Variants in SEC14L4 observed in about 807,000 individuals in gnomAD.
The protein encoded by SEC14L4 is SEC14-like protein 4.
A neutral mutation model predicts 55.1 loss-of-function variants in SEC14L4; 42 were observed. The ratio of observed to expected loss-of-function variants is 0.76; its 90% CI spans 0.60 to 0.99. The LOEUF is 0.99. Ranked by LOEUF, SEC14L4 falls within the 50% of genes least tolerant of loss-of-function variation. The pLI is 0.00. For missense variants in SEC14L4, 445 were observed against 512.1 expected (o/e 0.87, Z 1.27); for synonymous variants, 206 against 206.8 (o/e 1.00, Z 0.03).
intron 1 of SEC14L4, 34 bp from the exon 2 acceptor site, chr22:30,503,786 T>C (rs1936408831): frequency 1.3e-6 from 2 of 1,591,702 alleles, no homozygotes; most frequent in South Asian, 1.1e-5. Context: ...TCGGCGGAGC[T>C]CTCATGACCT....
chr22:30,494,793 C>T lies in SEC14L4; in HGVS notation c.519+73G>A, dbSNP rs1936083577. Reference sequence around the variant, plus strand: ...ACCCCTCTATCTCACTGGATTCTCACATCAATTCACAGCTAGGGCTCACAG... The same window carrying T: ...ACCCCTCTATCTCACTGGATTCTCATATCAATTCACAGCTAGGGCTCACAG... On this transcript the variant is annotated intron_variant, in intron 6 of 11. Coordinates refer to ENST00000255858, the MANE Select transcript of SEC14L4 (RefSeq NM_174977.4). 3.0e-6 allele frequency: 3 copies of T among 991,160 alleles called. No homozygotes were observed. The East Asian group carries it at 7.2e-5, about 24-fold the overall frequency. 61.4% of individuals were successfully genotyped at this position (991,160 alleles called of 1,614,324 possible).
chr22:30,496,696 A>G (rs1936163721), intron 2 of SEC14L4, among the ~76,000 whole-genome samples: 3 of 152,078 alleles, frequency 2.0e-5, no homozygotes, highest in Admixed American at 6.6e-5. Context: ...ACCTTCTCTG[A>G]GCCTTAGTTT....
At chr22:30,490,568 T>C (rs1459656285) in intron 11 of SEC14L4, among the ~76,000 whole-genome samples, 3 of 152,212 alleles carry the variant, frequency 2.0e-5, no homozygotes, top group Non-Finnish European at 4.4e-5. Flanking sequence ...GAGCTCCACC[T>C]GCAGGGAGGA....
In SEC14L4 at chr22:30,505,615, G is replaced by A. The variant is rs1244884536; in HGVS notation, c.-4C>T. ...GGTCCCCGACTCGGCTGCTCATGGT[G>A]CCCGCGGGCGCAGAAAGGCTCAGGG... On this transcript the variant is annotated 5_prime_UTR_variant, in exon 1 of 12. Transcript: ENST00000255858. 1.3e-6 allele frequency: 2 copies of A among 1,553,334 alleles called. No homozygotes were observed. The highest frequency in any genetic ancestry group is 1.9e-5 in the Admixed American group (1 of 53,114).
At chr22:30,495,469 C>G in intron 4 of SEC14L4, 27 bp from the exon 5 acceptor site, 1 of 1,610,710 alleles carries the variant, frequency 6.2e-7, no homozygotes, top group South Asian at 1.1e-5. Context: ...GGTCCCGACT[C>G]AATCCAGCTC....
chr22:30,489,675 G>A lies in SEC14L4; in HGVS notation c.*432C>T. On this transcript the variant is annotated 3_prime_UTR_variant, in exon 12 of 12. Transcript: ENST00000255858. Reference sequence around the variant, plus strand: ...GCTGACCTCCTACATGCAGAGAACAGGGCTTCTCTGCTCTTCAGGCCTGAA... The same window carrying A: ...GCTGACCTCCTACATGCAGAGAACAAGGCTTCTCTGCTCTTCAGGCCTGAA... 1.6e-6 allele frequency: 1 copy of A among 635,230 alleles called. No homozygotes were observed. The highest frequency in any genetic ancestry group is 2.8e-6 in the Non-Finnish European group (1 of 355,738). 39.3% of individuals were successfully genotyped at this position (635,230 alleles called of 1,614,324 possible). A position where few individuals can be genotyped will look rare whatever the true frequency, so the allele number is the denominator to read the frequency against.
intron 1 of SEC14L4, among the ~76,000 whole-genome samples, chr22:30,504,110 C>T (rs930450643): frequency 2.6e-5 from 4 of 151,266 alleles, no homozygotes; most frequent in East Asian, 3.9e-4. Context: ...CAAGCTGGAG[C>T]GTAGTTGCGT....
Position 30,492,514 on chromosome 22 carries a change from G to C in SEC14L4, c.624C>G (p.Phe208Leu), listed in dbSNP as rs1471447835. Residue 208 changes from phenylalanine (F) to leucine (L), a missense_variant, in exon 8 of 12, where the codon TTC becomes TTG. Transcript: ENST00000255858. The part of the protein sequence containing the change: ...FPVAFNLVKS[F>L]MSEETRRKIV... ...TCTTCCTGCGTGTCTCCTCACTCATGAACGACTTGACCAAGTTGAAGGCCA... is the reference window on the plus strand; with the variant it reads ...TCTTCCTGCGTGTCTCCTCACTCATCAACGACTTGACCAAGTTGAAGGCCA... 6.2e-7 allele frequency: 1 copy of C among 1,614,020 alleles called. No homozygotes were observed. Among genetic ancestry groups the C allele is most frequent in the South Asian group, 1.1e-5 (1 of 91,066 alleles).
rs139429739 is a variant in SEC14L4 at position 30,491,940 on chromosome 22, A to T, written c.805T>A (p.Tyr269Asn). Residue 269 changes from tyrosine (Y) to asparagine (N), a missense_variant, in exon 10 of 12, where the codon TAC (tyrosine) becomes AAC (asparagine). By Grantham distance (143) the Tyr-to-Asn change is moderately radical. Coordinates refer to ENST00000255858, the MANE Select transcript of SEC14L4 (RefSeq NM_174977.4). The stretch of plus-strand genomic sequence containing the variant: ...TGCAGCCTCACCTGCTCGCACAGGT[A>T]GTAGCTCTTGGGCACCTCACCCCCA... ...NYGGEVPKSY[Y>N]LCEQVRLQYE... The T allele has an allele frequency of 6.2e-7, 1 of 1,614,036 alleles. No individual in the cohort carries two copies. The highest frequency in any genetic ancestry group is 1.7e-5 in the Admixed American group (1 of 60,010).
chr22:30,498,987 C>T (rs896859256), intron 2 of SEC14L4, among the ~76,000 whole-genome samples: 10 of 152,164 alleles, frequency 6.6e-5, no homozygotes, highest in African/African-American at 2.2e-4. Flanking sequence ...GTCGCCCAGG[C>T]TGGAGTGCAG....
intron 2 of SEC14L4, among the ~76,000 whole-genome samples, chr22:30,503,371 T>G (rs183885425): frequency 2.6e-5 from 4 of 151,838 alleles, no homozygotes; most frequent in African/African-American, 7.2e-5. Context: ...TTCAAGCGAT[T>G]CTCCTGCCTC....
At chr22:30,500,285 C>T (rs1316446927) in intron 2 of SEC14L4, among the ~76,000 whole-genome samples, 2 of 152,004 alleles carry the variant, frequency 1.3e-5, no homozygotes, top group South Asian at 2.1e-4. Context: ...GGTCTGATGA[C>T]GTTTTCTATT....
Position 30,494,149 on chromosome 22 carries a change from C to G in SEC14L4, c.580+1G>C. Reference sequence around the variant, plus strand: ...GGAGGTCATCCCGGTCATGGGCTTACCTCGAATAACAATTAAATTCTTCAG... The same window carrying G: ...GGAGGTCATCCCGGTCATGGGCTTAGCTCGAATAACAATTAAATTCTTCAG... On this transcript the variant is annotated splice_donor_variant, in intron 7 of 11. Coordinates refer to ENST00000255858, the MANE Select transcript of SEC14L4 (RefSeq NM_174977.4). LOFTEE classifies it high-confidence loss of function. 4.3e-6 allele frequency: 7 copies of G among 1,612,250 alleles called. No homozygotes were observed. The highest frequency in any genetic ancestry group is 5.9e-6 in the Non-Finnish European group (7 of 1,178,320).
At chr22:30,505,418 C>T in intron 1 of SEC14L4, 140 bp downstream of exon 1, 1 of 888,494 alleles carries the variant, frequency 1.1e-6, no homozygotes, top group Non-Finnish European at 1.8e-6. Context: ...AACAACCGCA[C>T]GCTGGACCAG....
intron 1 of SEC14L4, 94 bp downstream of exon 1, chr22:30,505,464 T>A (rs1405336800): frequency 1.0e-5 from 13 of 1,295,570 alleles, no homozygotes; most frequent in Non-Finnish European, 1.4e-5. Flanking sequence ...AGGCTCGGTG[T>A]TCCAGTCTGT....
chr22:30,497,829 C>G (rs563420796), intron 2 of SEC14L4, among the ~76,000 whole-genome samples: 64 of 152,258 alleles, frequency 4.2e-4, no homozygotes, highest in Middle Eastern at 3.4e-3. Flanking sequence ...TCAAAGAGAA[C>G]GTTCTGTGAT....
chr22:30,493,334 T>A lies in SEC14L4; in HGVS notation c.581-777A>T, dbSNP rs1434934514. Among the ~76,000 whole-genome samples, 14 of 152,282 alleles carry A rather than the reference T, an allele frequency of 9.2e-5. No homozygotes were observed. The South Asian group carries it at 2.9e-3, about 32-fold the overall frequency. On this transcript the variant is annotated intron_variant, in intron 7 of 11. Transcript: ENST00000255858. ...TCTGTGGGCCAAGCTCTGTGCTCCATCTTCTCCACACACTGTTTCATTTAA... is the reference window on the plus strand; with the variant it reads ...TCTGTGGGCCAAGCTCTGTGCTCCAACTTCTCCACACACTGTTTCATTTAA...
chr22:30,500,150 A>G (rs1263596906), intron 2 of SEC14L4, among the ~76,000 whole-genome samples: 1 of 151,964 alleles, frequency 6.6e-6, no homozygotes, highest in Non-Finnish European at 1.5e-5. Flanking sequence ...GATTACAGAC[A>G]TGAGCCACCG....
At chr22:30,502,134 G>A (rs1040308928) in intron 2 of SEC14L4, among the ~76,000 whole-genome samples, 7 of 151,644 alleles carry the variant, frequency 4.6e-5, no homozygotes, top group Non-Finnish European at 1.0e-4. Context: ...CCAAAGTGCT[G>A]GGATTACAAG....
Sources: allele counts gnomAD v4.1 joint callset (sites outside exome capture counted in the v4.1 genomes callset), GRCh38; gene constraint gnomAD v4.1.1; transcripts MANE v1.5; gene names NCBI Gene and HGNC (gene_info 2026-07-23, HGNC 2026-07-21).